Variants in EHHADH observed in about 807,000 individuals in gnomAD.
EHHADH encodes the protein enoyl-CoA hydratase and 3-hydroxyacyl CoA dehydrogenase.
A neutral mutation model predicts 64.4 loss-of-function variants in EHHADH; 48 were observed. The ratio of observed to expected loss-of-function variants is 0.75; its 90% CI spans 0.59 to 0.95. The LOEUF (loss-of-function observed/expected upper bound fraction) is 0.95, where lower values mean the gene tolerates loss of function less well. Ranked by LOEUF, EHHADH falls within the 40% of genes least tolerant of loss-of-function variation. EHHADH has a pLI of 0.00. For missense variants in EHHADH, 854 were observed against 876.6 expected, an observed-to-expected ratio of 0.97 and a Z score of 0.33; for synonymous variants, 308 against 326.7, an observed-to-expected ratio of 0.94 and a Z score of 0.62.
Position 185,216,377 on chromosome 3 carries a change from G to C in EHHADH, c.568+1759C>G, listed in dbSNP as rs1718680793. 6.6e-6 allele frequency among the ~76,000 whole-genome samples: 1 copy of C among 152,168 alleles called. No individual in the cohort carries two copies. Among genetic ancestry groups the C allele is most frequent in the Non-Finnish European group, 1.5e-5 (1 of 68,020 alleles). The stretch of plus-strand genomic sequence containing the variant: ...ACTACAGATGTGAATGACAGACACG[G>C]GTCTACCTTTAGCAAACCAAAGAAT... On this transcript the variant is annotated intron_variant, in intron 5 of 6. Transcript: ENST00000231887. This position sits in a 1 kb window ranked among gnomAD's most constrained non-coding sequence, Gnocchi z 5.3.
At chr3:185,223,969 C>T (rs1718903200) in intron 4 of EHHADH, among the ~76,000 whole-genome samples, 1 of 152,176 alleles carries the variant, frequency 6.6e-6, no homozygotes, top group Non-Finnish European at 1.5e-5. Context: ...TTTCAGACGG[C>T]ATTCTAAGGA....
chr3:185,247,363 A>G (rs1415530958), intron 2 of EHHADH, among the ~76,000 whole-genome samples: 1 of 152,142 alleles, frequency 6.6e-6, no homozygotes, highest in Non-Finnish European at 1.5e-5. Context: ...CCCATGCATC[A>G]TCGTCATCAT....
chr3:185,223,595 T>G (rs964142793), intron 4 of EHHADH, among the ~76,000 whole-genome samples: 2 of 152,142 alleles, frequency 1.3e-5, no homozygotes, highest in Non-Finnish European at 1.5e-5. Flanking sequence ...TACTAAAAAA[T>G]GTATAGCGAA....
At position 185,235,319 on chromosome 3, in the gene EHHADH, CCAGGG is replaced by C. The variant is rs777936306; in HGVS notation, c.317_321del (p.Ala106GlyfsTer5). ...GCGTGGGCAATCCTATAGTGACAGCCCAGGGCCAGCTCTAGTCCCCCTCCGAAAGC... is the reference window on the plus strand; with the variant it reads ...GCGTGGGCAATCCTATAGTGACAGCCCCAGCTCTAGTCCCCCTCCGAAAGC... On this transcript the variant is annotated frameshift_variant, in exon 3 of 7. Coordinates refer to ENST00000231887, the MANE Select transcript of EHHADH (RefSeq NM_001966.4). LOFTEE classifies it high-confidence loss of function. The C allele has an allele frequency of 2.5e-6, 4 of 1,613,472 alleles. No homozygotes were observed. In the African/African-American group the frequency reaches 5.3e-5, roughly 22 times the overall value.
At chr3:185,250,211 GA>G (rs900176020) in intron 1 of EHHADH, among the ~76,000 whole-genome samples, 7 of 151,992 alleles carry the variant, frequency 4.6e-5, no homozygotes, top group Non-Finnish European at 1.0e-4. Flanking sequence ...CAAGATAGTG[GA>G]AAGATAGGGC....
At chr3:185,237,180 C>A (rs1255173091) in intron 2 of EHHADH, among the ~76,000 whole-genome samples, 1 of 152,184 alleles carries the variant, frequency 6.6e-6, no homozygotes, top group South Asian at 2.1e-4. Context: ...ATTTCCAGCA[C>A]ATCAAAATCT....
chr3:185,197,506 T>G (rs1161250173), intron 6 of EHHADH, among the ~76,000 whole-genome samples: 2 of 152,220 alleles, frequency 1.3e-5, no homozygotes, highest in Non-Finnish European at 2.9e-5. Context: ...TCTGTGCATT[T>G]GACTACTCCA....
At chr3:185,251,372 G>C (rs1560024290) in intron 1 of EHHADH, among the ~76,000 whole-genome samples, 2 of 152,184 alleles carry the variant, frequency 1.3e-5, no homozygotes, top group Non-Finnish European at 2.9e-5. Flanking sequence ...ACTGCTTTCG[G>C]TTACGTGTTT....
At chr3:185,241,706 T>C (rs1259890900) in intron 2 of EHHADH, among the ~76,000 whole-genome samples, 1 of 152,154 alleles carries the variant, frequency 6.6e-6, no homozygotes, top group African/African-American at 2.4e-5. Flanking sequence ...AGTCCTTTGT[T>C]AGATGTATAG....
At chr3:185,221,806 T>C (rs1459361922) in intron 4 of EHHADH, among the ~76,000 whole-genome samples, 4 of 151,970 alleles carry the variant, frequency 2.6e-5, no homozygotes, top group Non-Finnish European at 4.4e-5. Context: ...ATTCCTGACC[T>C]TAGGTGATCC....
chr3:185,240,027 G>A (rs1369028152), intron 2 of EHHADH, among the ~76,000 whole-genome samples: 1 of 152,090 alleles, frequency 6.6e-6, no homozygotes, highest in African/African-American at 2.4e-5. Context: ...TGCATCTATT[G>A]AGGTGATCAT....
chr3:185,204,648 C>A lies in EHHADH; in HGVS notation c.678G>T (p.Gly226=). ...GGACACAAGCCTCCTGTGCAAGACACCCAGGGTGCTGCCTCCGCATCTTCA... is the reference window on the plus strand; with the variant it reads ...GGACACAAGCCTCCTGTGCAAGACAACCAGGGTGCTGCCTCCGCATCTTCA... ...ALLKMRRQHP[G]CLAQEACVRA... The change falls in exon 6 of 7, where the codon GGG becomes GGT. Residue 226 remains glycine, a synonymous_variant. Coordinates refer to ENST00000231887, the MANE Select transcript of EHHADH (RefSeq NM_001966.4). 1 of 1,614,222 alleles carries A rather than the reference C, an allele frequency of 6.2e-7. No homozygotes were observed. The highest frequency in any genetic ancestry group is 8.5e-7 in the Non-Finnish European group (1 of 1,180,052).
Position 185,218,175 on chromosome 3 carries a change from G to A in EHHADH, c.529C>T (p.Pro177Ser). 1 of 1,605,908 alleles carries A rather than the reference G, an allele frequency of 6.2e-7. No homozygotes were observed. Among genetic ancestry groups the A allele is most frequent in the Non-Finnish European group, 8.5e-7 (1 of 1,177,142 alleles). Reference protein sequence around the residue: ...GILDKVVNSDPVEEAIRFAQR... With the variant: ...GILDKVVNSDSVEEAIRFAQR... ...GCAAATCTGATTGCTTCTTCAACCGGGTCTGAGTTTACAACTTTATCTAGA... is the reference window on the plus strand; with the variant it reads ...GCAAATCTGATTGCTTCTTCAACCGAGTCTGAGTTTACAACTTTATCTAGA... Residue 177 changes from proline to serine, a missense_variant, in exon 5 of 7, where the codon CCG becomes TCG. Transcript: ENST00000231887.
At chr3:185,232,014 A>AG (rs1324890332) in intron 3 of EHHADH, among the ~76,000 whole-genome samples, 2 of 152,138 alleles carry the variant, frequency 1.3e-5, no homozygotes, top group African/African-American at 4.8e-5. Context: ...CCAGACAAGA[A>AG]GGGGAGCTTG....
chr3:185,254,010 T>A lies in EHHADH; in HGVS notation c.13A>T (p.Thr5Ser). 2 of 1,613,774 alleles carry A rather than the reference T, an allele frequency of 1.2e-6. No individual in the cohort carries two copies. The highest frequency in any genetic ancestry group is 2.2e-5 in the South Asian group (2 of 91,068). MAEY[T>S]RLHNALALIR... The stretch of plus-strand genomic sequence containing the variant: ...AGCGCCAAGGCGTTGTGCAGCCGCG[T>A]ATACTCGGCCATGTTTCCTCTATCA... Residue 5 changes from threonine (T) to serine (S), a missense_variant, in exon 1 of 7, where the codon ACG (threonine) becomes TCG (serine). Coordinates refer to ENST00000231887, the MANE Select transcript of EHHADH (RefSeq NM_001966.4).
intron 6 of EHHADH, among the ~76,000 whole-genome samples, chr3:185,202,992 AG>A (rs924823094): frequency 7.7e-6 from 1 of 129,448 alleles, no homozygotes; most frequent in Non-Finnish European, 1.6e-5. Context: ...CAGGAAGGGG[AG>A]GGGGGGATGG....
chr3:185,192,108 T>G lies in EHHADH; in HGVS notation c.*118A>C. On this transcript the variant is annotated 3_prime_UTR_variant, in exon 7 of 7. Coordinates refer to ENST00000231887, the MANE Select transcript of EHHADH (RefSeq NM_001966.4). ...GTCGTTACACAGAAGATTCTAATGA[T>G]TATTTATTTTGCTTTGTATTTCAGA... The G allele has an allele frequency of 8.4e-7, 1 of 1,187,240 alleles. No homozygotes were observed. The highest frequency in any genetic ancestry group is 1.2e-6 in the Non-Finnish European group (1 of 841,566). The allele number at this position is 1,187,240 out of a possible 1,614,324, so 73.5% of individuals were successfully genotyped here.
Position 185,204,426 on chromosome 3 carries a change from A to G in EHHADH, c.900T>C (p.Val300=). Residue 300 remains valine (V), a synonymous_variant, in exon 6 of 7, where the codon GTT becomes GTC. Coordinates refer to ENST00000231887, the MANE Select transcript of EHHADH (RefSeq NM_001966.4). ...KTASARPVSS[V]GVVGLGTMGR... Reference sequence around the variant, plus strand: ...ACCCCATGGTCTTACCAACAACACCAACTGAGGAGACAGGCCGCGCTGATG... The same window carrying G: ...ACCCCATGGTCTTACCAACAACACCGACTGAGGAGACAGGCCGCGCTGATG... 1 of 1,604,622 alleles carries G rather than the reference A, an allele frequency of 6.2e-7. No individual in the cohort carries two copies. The highest frequency in any genetic ancestry group is 8.5e-7 in the Non-Finnish European group (1 of 1,175,356).
At chr3:185,220,934 T>C (rs1016431565) in intron 4 of EHHADH, among the ~76,000 whole-genome samples, 1 of 152,216 alleles carries the variant, frequency 6.6e-6, no homozygotes, top group Non-Finnish European at 1.5e-5. Flanking sequence ...AAAAGACAGG[T>C]GTATAATTCT....
Sources: allele counts gnomAD v4.1 joint callset (sites outside exome capture counted in the v4.1 genomes callset), GRCh38; gene constraint gnomAD v4.1.1; non-coding constraint Gnocchi (gnomAD v3.1); transcripts MANE v1.5; gene names NCBI Gene and HGNC (gene_info 2026-07-23, HGNC 2026-07-21).